The following CLSTN2 variants were observed in gnomAD, a reference collection of about 807,000 sequenced individuals.
CLSTN2 encodes calsyntenin 2.
In CLSTN2, 48 loss-of-function variants were observed where a neutral mutation model predicts 101.2. The observed-to-expected ratio is 0.47, with a 90% CI of 0.38 to 0.60. The LOEUF is 0.60. Among genes scored for constraint, CLSTN2 ranks in the 20% least tolerant of loss-of-function variants. The pLI is 0.00. For missense variants in CLSTN2, 1,160 were observed against 1,238.2 expected, an observed-to-expected ratio of 0.94 and a Z score of 0.95; for synonymous variants, 481 against 463.6, an observed-to-expected ratio of 1.04 and a Z score of -0.48.
chr3:140,099,494 T>C (rs2008929498), intron 1 of CLSTN2, among the ~76,000 whole-genome samples: 1 of 152,120 alleles, frequency 6.6e-6, no homozygotes, highest in Non-Finnish European at 1.5e-5. Context: ...TGATCTTGTT[T>C]CTAGATTCTC....
chr3:140,162,887 T>C (rs1276402557), intron 1 of CLSTN2, among the ~76,000 whole-genome samples: 1 of 152,218 alleles, frequency 6.6e-6, no homozygotes, highest in Non-Finnish European at 1.5e-5. Context: ...AAATGTATCA[T>C]GCATTTGCTA....
At chr3:140,301,862 A>G (rs1283515070) in intron 2 of CLSTN2, among the ~76,000 whole-genome samples, 3 of 151,796 alleles carry the variant, frequency 2.0e-5, no homozygotes, top group Non-Finnish European at 2.9e-5. Flanking sequence ...CGTCACAGCA[A>G]TCTCAGGACA....
Position 140,187,005 on chromosome 3 carries a change from G to A in CLSTN2, c.232+10932G>A, listed in dbSNP as rs187066754. ...TTTTTCTAACTCTACCAGGCTGTGG[G>A]TTGCAAGGGGAAAATCTTTATTCTC... On this transcript the variant is annotated intron_variant, in intron 2 of 16. Coordinates refer to ENST00000458420, the MANE Select transcript of CLSTN2 (RefSeq NM_022131.3). Among the ~76,000 whole-genome samples, 3 of 152,322 alleles carry A rather than the reference G, an allele frequency of 2.0e-5. No individual in the cohort carries two copies. In the East Asian group the frequency reaches 5.8e-4, roughly 29 times the overall value.
chr3:140,480,818 T>A (rs924780650), intron 8 of CLSTN2, among the ~76,000 whole-genome samples: 4 of 152,250 alleles, frequency 2.6e-5, no homozygotes, highest in Non-Finnish European at 5.9e-5. Context: ...GTAAATTTGT[T>A]GGAGTTCATT....
intron 9 of CLSTN2, among the ~76,000 whole-genome samples, chr3:140,533,603 C>A (rs1002903138): frequency 6.8e-6 from 1 of 147,794 alleles, no homozygotes; most frequent in Non-Finnish European, 1.5e-5. Flanking sequence ...CCCAGCTACT[C>A]GGGAGGCTGA....
chr3:139,994,191 A>T (rs536167791), intron 1 of CLSTN2, among the ~76,000 whole-genome samples: 2 of 152,328 alleles, frequency 1.3e-5, no homozygotes. Flanking sequence ...GCTATGCCTA[A>T]ACCAGTTCAG....
At chr3:140,273,945 T>C (rs534426468) in intron 2 of CLSTN2, among the ~76,000 whole-genome samples, 12 of 152,236 alleles carry the variant, frequency 7.9e-5, no homozygotes, top group Admixed American at 1.3e-4. Context: ...GGATGTTTGA[T>C]AGTTGAACGC....
intron 8 of CLSTN2, among the ~76,000 whole-genome samples, chr3:140,516,039 T>C (rs1270192132): frequency 6.6e-6 from 1 of 152,212 alleles, no homozygotes; most frequent in Non-Finnish European, 1.5e-5. Context: ...TATATATTTA[T>C]GATAGTGATA....
chr3:140,439,196 C>T (rs2088718330), intron 5 of CLSTN2, among the ~76,000 whole-genome samples: 1 of 152,228 alleles, frequency 6.6e-6, no homozygotes, highest in South Asian at 2.1e-4. Flanking sequence ...GTCTCAGAGG[C>T]CTGAGCCAGC....
At chr3:140,349,016 G>A (rs1236886435) in intron 2 of CLSTN2, among the ~76,000 whole-genome samples, 1 of 152,184 alleles carries the variant, frequency 6.6e-6, no homozygotes, top group African/African-American at 2.4e-5. Context: ...ACCCCCACAT[G>A]TTGCAAGAAA....
intron 2 of CLSTN2, among the ~76,000 whole-genome samples, chr3:140,378,809 A>G (rs1186678844): frequency 6.6e-6 from 1 of 152,226 alleles, no homozygotes; most frequent in Non-Finnish European, 1.5e-5. Flanking sequence ...TGTGGTAAAA[A>G]TAGCTAGCTC....
chr3:140,528,636 C>CAAAAAAAAAAAAAAAAAAA (rs3057900), intron 8 of CLSTN2, among the ~76,000 whole-genome samples: 4 of 148,896 alleles, frequency 2.7e-5, no homozygotes, highest in African/African-American at 7.6e-5. Context: ...GTGCCTCTGA[C>CAAAAAAAAAAAAAAAAAAA]AAAAAAAAGA....
At chr3:140,224,987 TCCA>T (rs2086305787) in intron 2 of CLSTN2, among the ~76,000 whole-genome samples, 1 of 152,192 alleles carries the variant, frequency 6.6e-6, no homozygotes, top group Non-Finnish European at 1.5e-5. Flanking sequence ...CTTTCCCTGC[TCCA>T]CCAGCAAGTG....
At chr3:140,077,191 C>T (rs913968040) in intron 1 of CLSTN2, among the ~76,000 whole-genome samples, 1 of 152,172 alleles carries the variant, frequency 6.6e-6, no homozygotes, top group Non-Finnish European at 1.5e-5. Context: ...TCATTGTGAA[C>T]CTGAAGTTTT....
At chr3:140,356,351 C>T (rs553131451) in intron 2 of CLSTN2, among the ~76,000 whole-genome samples, 43 of 152,270 alleles carry the variant, frequency 2.8e-4, no homozygotes, top group Admixed American at 2.0e-4. Flanking sequence ...TGTACTTTTA[C>T]CTGGAGATAT....
chr3:140,367,730 C>T (rs985809647), intron 2 of CLSTN2, among the ~76,000 whole-genome samples: 4 of 152,168 alleles, frequency 2.6e-5, no homozygotes, highest in Non-Finnish European at 5.9e-5. Flanking sequence ...TTATTCCAGC[C>T]TTAGCTGTAC....
intron 1 of CLSTN2, among the ~76,000 whole-genome samples, chr3:139,965,426 C>T (rs1935577512): frequency 6.6e-6 from 1 of 152,194 alleles, no homozygotes; most frequent in Admixed American, 6.5e-5. Flanking sequence ...GATGCCTCTC[C>T]AGGGGTAATG....
At chr3:140,288,410 T>C (rs1404721671) in intron 2 of CLSTN2, among the ~76,000 whole-genome samples, 1 of 152,096 alleles carries the variant, frequency 6.6e-6, no homozygotes, top group African/African-American at 2.4e-5. Flanking sequence ...TGGGATCCTC[T>C]CAGATATCCA....
At chr3:140,410,304 A>G (rs1427133754) in intron 4 of CLSTN2, among the ~76,000 whole-genome samples, 2 of 151,974 alleles carry the variant, frequency 1.3e-5, no homozygotes, top group African/African-American at 4.8e-5. Flanking sequence ...AAAAGAAAAA[A>G]AACATATACA....
Sources: gnomAD v4.1 joint callset for allele counts (sites outside exome capture counted in the v4.1 genomes callset) on GRCh38, gnomAD v4.1.1 for gene constraint, MANE v1.5 for transcripts, NCBI Gene and HGNC (gene_info 2026-07-23, HGNC 2026-07-21) for gene names.